Variants in MGAT5 observed in about 807,000 individuals in gnomAD.
MGAT5 encodes the protein alpha-1,6-mannosylglycoprotein 6-beta-N-acetylglucosaminyltransferase, also known as alpha-1,6-mannosylglycoprotein 6-beta-N-acetylglucosaminyltransferase A.
In MGAT5, 30 loss-of-function variants were observed where a neutral mutation model predicts 94.3. The observed-to-expected ratio is 0.32, with a 90% CI of 0.24 to 0.43. The LOEUF is 0.43. Ranked by LOEUF, MGAT5 falls within the 20% of genes least tolerant of loss-of-function variation. MGAT5 has a pLI of 1.00. For synonymous variants in MGAT5, 310 were observed against 322.9 expected, an observed-to-expected ratio of 0.96 and a Z score of 0.43; for missense variants, 691 against 905.5, an observed-to-expected ratio of 0.76 and a Z score of 3.04.
intron 1 of MGAT5, among the ~76,000 whole-genome samples, chr2:134,164,474 C>T (rs1471151532): frequency 6.6e-6 from 1 of 152,060 alleles, no homozygotes; most frequent in African/African-American, 2.4e-5. Flanking sequence ...GATTAGGATG[C>T]ACCTCAGAGG....
At chr2:134,297,196 C>CAAAAAAAAAAAAAAAAAAAA (rs143685303) in intron 2 of MGAT5, among the ~76,000 whole-genome samples, 1 of 100,480 alleles carries the variant, frequency 1.0e-5, no homozygotes, top group Non-Finnish European at 2.0e-5. Context: ...GACCTGGTCT[C>CAAAAAAAAAAAAAAAAAAAA]AAAAAAAAAA....
chr2:134,356,272 T>C (rs141993638), intron 9 of MGAT5, among the ~76,000 whole-genome samples: 135 of 152,246 alleles, frequency 8.9e-4, no homozygotes, highest in African/African-American at 3.1e-3. Flanking sequence ...TCTGGAGGTG[T>C]TTAGAACTTT....
chr2:134,134,622 A>T (rs774889357), intron 1 of MGAT5, among the ~76,000 whole-genome samples: 3 of 152,226 alleles, frequency 2.0e-5, no homozygotes, highest in Non-Finnish European at 4.4e-5. Context: ...AGGGGTGGGC[A>T]GGGCGTGGTA....
At chr2:134,444,418 GA>G (rs978607075) in intron 15 of MGAT5, among the ~76,000 whole-genome samples, 1 of 152,128 alleles carries the variant, frequency 6.6e-6, no homozygotes, top group Admixed American at 6.5e-5. Context: ...AGGCTAGAAT[GA>G]ATGCTAATTT....
intron 1 of MGAT5, among the ~76,000 whole-genome samples, chr2:134,269,032 C>T (rs9287435): frequency 0.011 from 1,674 of 152,306 alleles, 39 homozygotes; most frequent in African/African-American, 0.038. Context: ...CTGTGAACCT[C>T]AGTTTTCTTA....
At chr2:134,304,148 T>C (rs1202790858) in intron 2 of MGAT5, among the ~76,000 whole-genome samples, 1 of 152,238 alleles carries the variant, frequency 6.6e-6, no homozygotes, top group South Asian at 2.1e-4. Flanking sequence ...CAGCGTGCTC[T>C]GGGCTGGGAA....
chr2:134,346,637 G>A (rs1412230478), intron 8 of MGAT5, among the ~76,000 whole-genome samples: 1 of 152,054 alleles, frequency 6.6e-6, no homozygotes, highest in Non-Finnish European at 1.5e-5. Context: ...ATGTATTGCT[G>A]TTATCTGATC....
chr2:134,120,478 C>G (rs1685516293), intron 1 of MGAT5, among the ~76,000 whole-genome samples: 1 of 151,798 alleles, frequency 6.6e-6, no homozygotes, highest in African/African-American at 2.4e-5. Flanking sequence ...TGCCCCGGCC[C>G]CGGCCGCTCT....
intron 7 of MGAT5, among the ~76,000 whole-genome samples, chr2:134,342,741 G>A (rs1688706336): frequency 7.5e-6 from 1 of 132,982 alleles, no homozygotes; most frequent in African/African-American, 2.8e-5. Context: ...AAAAAAATTG[G>A]ATACACAACC....
intron 1 of MGAT5, among the ~76,000 whole-genome samples, chr2:134,159,188 C>CATGT (rs1553486176): frequency 6.9e-6 from 1 of 144,010 alleles, no homozygotes; most frequent in Non-Finnish European, 1.5e-5. Context: ...GGTCTAAATT[C>CATGT]GTGTGTGTGT....
At position 134,361,889 on chromosome 2, in the gene MGAT5, G is replaced by A. The variant is rs193276374; in HGVS notation, c.1247-386G>A. Among the ~76,000 whole-genome samples the A allele has an allele frequency of 1.5e-3, 222 of 152,316 alleles. 5 individuals are homozygous for A. Among genetic ancestry groups the A allele is most frequent in the African/African-American group, 5.1e-3 (214 of 41,572 alleles). Reference sequence around the variant, plus strand: ...ACTCTGCGCCTATTCAGAACTCCCAGTCAGCCCTGCCCCCTACAGATTTCT... The same window carrying A: ...ACTCTGCGCCTATTCAGAACTCCCAATCAGCCCTGCCCCCTACAGATTTCT... On this transcript the variant is annotated intron_variant, in intron 9 of 15. Transcript: ENST00000281923.
At chr2:134,403,584 AGAAGTTCAGATGAG>A (rs1375959740) in intron 11 of MGAT5, among the ~76,000 whole-genome samples, 3 of 152,218 alleles carry the variant, frequency 2.0e-5, no homozygotes, top group African/African-American at 7.2e-5. Flanking sequence ...TGGACAGTGA[AGAAGTTCAGATGAG>A]GGCAAAGTCC....
intron 1 of MGAT5, among the ~76,000 whole-genome samples, chr2:134,130,226 C>CGCCCCACACT (rs1312677875): frequency 7.0e-6 from 1 of 142,810 alleles, no homozygotes; most frequent in Non-Finnish European, 1.5e-5. Flanking sequence ...CGCCCCACAC[C>CGCCCCACACT]GCCCCACACC....
intron 9 of MGAT5, among the ~76,000 whole-genome samples, chr2:134,353,351 G>C (rs1679513811): frequency 6.6e-6 from 1 of 152,166 alleles, no homozygotes; most frequent in Non-Finnish European, 1.5e-5. Flanking sequence ...TGACTATACA[G>C]TTGTAGTGGG....
rs554356329 is a variant in MGAT5, at chr2:134,183,012, G to A, written c.-143+62721G>A. Among the ~76,000 whole-genome samples, 5 of 152,014 alleles carry A rather than the reference G, an allele frequency of 3.3e-5. No homozygotes were observed. In the South Asian group the frequency reaches 8.3e-4, roughly 25 times the overall value. On this transcript the variant is annotated intron_variant, in intron 1 of 16. Coordinates refer to the MGAT5 transcript ENST00000409645. ...TCACCGTGTTAGCCAGGATGGTCTC[G>A]ATCTCCTGACCTCGTGATCCACCCG...
At chr2:134,121,489 G>T (rs545538702) in intron 1 of MGAT5, among the ~76,000 whole-genome samples, 25 of 152,236 alleles carry the variant, frequency 1.6e-4, no homozygotes, top group Admixed American at 7.8e-4. Flanking sequence ...GAGCGCAGAG[G>T]GGGTGCTTGG....
intron 2 of MGAT5, among the ~76,000 whole-genome samples, chr2:134,299,677 C>G (rs528466127): frequency 6.6e-6 from 1 of 152,034 alleles, no homozygotes; most frequent in Non-Finnish European, 1.5e-5. Context: ...ATCCCCTGTC[C>G]CCTCTTTTAT....
At chr2:134,156,008 C>T (rs1306318247) in intron 1 of MGAT5, among the ~76,000 whole-genome samples, 6 of 152,154 alleles carry the variant, frequency 3.9e-5, no homozygotes, top group Admixed American at 3.9e-4. Context: ...ATTCTGTATT[C>T]ATCCGTAGGC....
At chr2:134,302,898 T>C (rs1036440188) in intron 2 of MGAT5, among the ~76,000 whole-genome samples, 6 of 152,238 alleles carry the variant, frequency 3.9e-5, no homozygotes, top group African/African-American at 1.4e-4. Context: ...TTTTAGCAGT[T>C]TGATTATAAT....
Sources: gnomAD v4.1 joint callset for allele counts (sites outside exome capture counted in the v4.1 genomes callset) on GRCh38, gnomAD v4.1.1 for gene constraint, MANE v1.5 for transcripts, NCBI Gene and HGNC (gene_info 2026-07-23, HGNC 2026-07-21) for gene names.